BCAS3: variants seen among roughly 807,000 people sequenced by gnomAD.
The protein encoded by BCAS3 is BCAS3 microtubule associated cell migration factor.
In BCAS3, 53 loss-of-function variants were observed where a neutral mutation model predicts 116.1. That is an observed-to-expected ratio of 0.46 (90% CI 0.37 to 0.57). The LOEUF (loss-of-function observed/expected upper bound fraction) is 0.57. Ranked by LOEUF, BCAS3 falls within the 20% of genes least tolerant of loss-of-function variation. The pLI is 0.00. For missense variants in BCAS3, 917 were observed against 1,165.4 expected (o/e 0.79, Z 3.10); for synonymous variants, 391 against 408.2 (o/e 0.96, Z 0.51).
chr17:60,716,710 CT>C (rs1010911836), intron 5 of BCAS3, among the ~76,000 whole-genome samples: 30 of 140,484 alleles, frequency 2.1e-4, no homozygotes, highest in African/African-American at 9.1e-4. Context: ...GCAAGACCCT[CT>C]CAAAAAAAAA....
intron 19 of BCAS3, among the ~76,000 whole-genome samples, chr17:61,067,062 T>A (rs896504788): frequency 6.6e-5 from 10 of 151,620 alleles, no homozygotes; most frequent in Admixed American, 1.3e-4. Context: ...GGTAATTTTT[T>A]AAAATTCTTT....
Position 61,020,758 on chromosome 17 carries a change from AT to A in BCAS3, c.1637+4858del, listed in dbSNP as rs2065818540. On this transcript the variant is annotated intron_variant, in intron 16 of 23. Coordinates refer to ENST00000407086, the MANE Select transcript of BCAS3 (RefSeq NM_017679.5). This position sits in a 1 kb window ranked among gnomAD's most constrained non-coding sequence, Gnocchi z 4.5. ...TTTCTATGTAACAATTCACAAAAAA[AT>A]GTTCATCAATGAGCTTAATTTTATC... Among the ~76,000 whole-genome samples, 1 of 152,224 alleles carries A rather than the reference AT, an allele frequency of 6.6e-6. No homozygotes were observed. Among genetic ancestry groups the A allele is most frequent in the Non-Finnish European group, 1.5e-5 (1 of 68,040 alleles).
At chr17:60,918,372 C>T (rs969995943) in intron 12 of BCAS3, among the ~76,000 whole-genome samples, 11 of 152,046 alleles carry the variant, frequency 7.2e-5, no homozygotes, top group African/African-American at 2.2e-4. Context: ...ATGCATAGAA[C>T]GTCTAATCAT....
chr17:60,770,112 C>T (rs139382198), intron 6 of BCAS3, among the ~76,000 whole-genome samples: 139 of 152,176 alleles, frequency 9.1e-4, no homozygotes, highest in African/African-American at 3.1e-3. Flanking sequence ...TGCAGCTGTT[C>T]AGGGCTTGAA....
intron 13 of BCAS3, among the ~76,000 whole-genome samples, chr17:60,931,636 A>T (rs2059650819): frequency 6.6e-6 from 1 of 152,136 alleles, no homozygotes; most frequent in Non-Finnish European, 1.5e-5. Context: ...ATCATTTAAG[A>T]AGTCTTCCCT....
At chr17:60,712,324 C>T (rs2038031723) in intron 5 of BCAS3, among the ~76,000 whole-genome samples, 1 of 151,222 alleles carries the variant, frequency 6.6e-6, no homozygotes, top group African/African-American at 2.4e-5. Context: ...TGCAGTGAGC[C>T]ATGATTATGC....
intron 22 of BCAS3, among the ~76,000 whole-genome samples, chr17:61,330,073 G>A (rs555444081): frequency 2.0e-5 from 3 of 152,282 alleles, no homozygotes; most frequent in South Asian, 4.1e-4. Context: ...CTAGATGCCC[G>A]GAGGTCTCTT....
At chr17:60,737,952 A>G (rs1185351439) in intron 5 of BCAS3, among the ~76,000 whole-genome samples, 3 of 151,944 alleles carry the variant, frequency 2.0e-5, no homozygotes, top group African/African-American at 7.3e-5. Context: ...ACACCCGGCT[A>G]CTTTTTGCAT....
chr17:61,201,000 G>A lies in BCAS3; in HGVS notation c.2425+116436G>A, dbSNP rs1294543446. On this transcript the variant is annotated intron_variant, in intron 22 of 23. Coordinates refer to ENST00000407086, the MANE Select transcript of BCAS3 (RefSeq NM_017679.5). This position sits in a 1 kb window ranked among gnomAD's most constrained non-coding sequence, Gnocchi z 5.1. ...TTTACCCATTTACCAGACAGAGCAA[G>A]AAAGGACAAATAGTATATATAAAAA... 6.6e-6 allele frequency among the ~76,000 whole-genome samples: 1 copy of A among 151,360 alleles called. No homozygotes were observed. The highest frequency in any genetic ancestry group is 1.5e-5 in the Non-Finnish European group (1 of 67,886).
rs556325341 is a variant in BCAS3, at chr17:61,136,166, C to G, written c.2425+51602C>G. Among the ~76,000 whole-genome samples the G allele has an allele frequency of 2.0e-5, 3 of 152,192 alleles. No homozygotes were observed. Among genetic ancestry groups the G allele is most frequent in the South Asian group, 2.1e-4 (1 of 4,832 alleles). ...CTTTGCACCTATTTAAATGTTTTCC[C>G]GTGCTCTTCCCTCTACATAAAATCA... On this transcript the variant is annotated intron_variant, in intron 22 of 23. Transcript: ENST00000407086. This position sits in a 1 kb window ranked among gnomAD's most constrained non-coding sequence, Gnocchi z 4.4.
chr17:61,341,454 AC>A (rs982754913), intron 22 of BCAS3, among the ~76,000 whole-genome samples: 1 of 152,110 alleles, frequency 6.6e-6, no homozygotes, highest in Non-Finnish European at 1.5e-5. Context: ...CCTTTCAGTA[AC>A]CCTTCAAGTG....
At chr17:60,904,064 G>A (rs2058062173) in intron 11 of BCAS3, among the ~76,000 whole-genome samples, 1 of 152,124 alleles carries the variant, frequency 6.6e-6, no homozygotes, top group African/African-American at 2.4e-5. Context: ...TTCATTCCAT[G>A]TTTTGCTGTG....
rs1244816304 is a variant in BCAS3 at position 61,302,023 on chromosome 17, A to G, written c.2426-66304A>G. On this transcript the variant is annotated intron_variant, in intron 22 of 23. Coordinates refer to ENST00000407086, the MANE Select transcript of BCAS3 (RefSeq NM_017679.5). The surrounding 1 kb of genome is among the most constrained non-coding windows in gnomAD (Gnocchi z 4.4). ...ACGGCCACTTTGAACGCTTATTCCC[A>G]TTCTGCAGAGACCCAGTGGCTTGCT... Among the ~76,000 whole-genome samples the G allele has an allele frequency of 1.3e-5, 2 of 152,202 alleles. No homozygotes were observed. Among genetic ancestry groups the G allele is most frequent in the Non-Finnish European group, 2.9e-5 (2 of 68,030 alleles).
chr17:61,069,631 A>C lies in BCAS3; in HGVS notation c.2030-5289A>C, dbSNP rs1600948841. Among the ~76,000 whole-genome samples, 3 of 152,106 alleles carry C rather than the reference A, an allele frequency of 2.0e-5. No individual in the cohort carries two copies. In the South Asian group the frequency reaches 6.2e-4, roughly 32 times the overall value. On this transcript the variant is annotated intron_variant, in intron 19 of 23. Coordinates refer to ENST00000407086, the MANE Select transcript of BCAS3 (RefSeq NM_017679.5). ...GGCGGGTGGATCACTTGAGGTTAGG[A>C]GTTTGAGACCAGCCTGGCCAACATG...
rs2070520775 is a variant in BCAS3 at position 61,065,558 on chromosome 17, C to G, written c.2030-9362C>G. On this transcript the variant is annotated intron_variant, in intron 19 of 23. Transcript: ENST00000407086. The surrounding 1 kb of genome is among the most constrained non-coding windows in gnomAD (Gnocchi z 4.8). ...CATGATGTCATTTAACTGCAAATTTCTCTGTTGCTAGAAAAAGGAATGTTG... is the reference window on the plus strand; with the variant it reads ...CATGATGTCATTTAACTGCAAATTTGTCTGTTGCTAGAAAAAGGAATGTTG... 6.6e-6 allele frequency among the ~76,000 whole-genome samples: 1 copy of G among 152,184 alleles called. No individual in the cohort carries two copies. Among genetic ancestry groups the G allele is most frequent in the South Asian group, 2.1e-4 (1 of 4,828 alleles).
rs183073728 is a variant in BCAS3, at chr17:61,104,640, A to G, written c.2425+20076A>G. Among the ~76,000 whole-genome samples, 44 of 152,234 alleles carry G rather than the reference A, an allele frequency of 2.9e-4. 1 individual carries two copies. Among genetic ancestry groups the G allele is most frequent in the Non-Finnish European group, 5.1e-4 (35 of 68,008 alleles). On this transcript the variant is annotated intron_variant, in intron 22 of 23. Transcript: ENST00000407086. The surrounding 1 kb of genome is among the most constrained non-coding windows in gnomAD (Gnocchi z 4.1). ...AGCTCCAAATCGGGTATTACATGTCACCCTGTGAAAGATCCTCTGCGTTAC... is the reference window on the plus strand; with the variant it reads ...AGCTCCAAATCGGGTATTACATGTCGCCCTGTGAAAGATCCTCTGCGTTAC...
At chr17:60,728,928 G>T (rs1057272448) in intron 5 of BCAS3, among the ~76,000 whole-genome samples, 2 of 152,104 alleles carry the variant, frequency 1.3e-5, no homozygotes, top group African/African-American at 2.4e-5. Flanking sequence ...ACACAAGTAC[G>T]TGAAACCACC....
intron 5 of BCAS3, among the ~76,000 whole-genome samples, chr17:60,712,269 G>A (rs1481580145): frequency 6.6e-6 from 1 of 151,414 alleles, no homozygotes; most frequent in Non-Finnish European, 1.5e-5. Flanking sequence ...CCAGCTACTC[G>A]GGAGGATGAG....
At position 61,015,775 on chromosome 17, in the gene BCAS3, A is replaced by G. The variant is rs752333817; in HGVS notation, c.1511A>G (p.Tyr504Cys). 17 of 1,613,806 alleles carry G rather than the reference A, an allele frequency of 1.1e-5. No individual in the cohort carries two copies. The highest frequency in any genetic ancestry group is 2.7e-5 in the African/African-American group (2 of 74,870). ...LHGKLNSQDSYNNFTNNNPGN... is the reference protein window; with the variant it reads ...LHGKLNSQDSCNNFTNNNPGN... ...GGGAAACTGAACAGCCAAGACTCCTATAACAATTTTACCAACAACAACCCT... is the reference window on the plus strand; with the variant it reads ...GGGAAACTGAACAGCCAAGACTCCTGTAACAATTTTACCAACAACAACCCT... Residue 504 changes from tyrosine (Y) to cysteine (C), a missense_variant, in exon 16 of 24, where the codon TAT becomes TGT. Tyr to Cys is a radical substitution (Grantham distance 194). This residue lies in a region of BCAS3 where 807 missense variants were observed against 1,026.0 expected (regional missense o/e 0.79). Transcript: ENST00000407086.
Sources: allele counts gnomAD v4.1 joint callset (sites outside exome capture counted in the v4.1 genomes callset), GRCh38; gene constraint gnomAD v4.1.1; regional missense constraint gnomAD v4.1.1; non-coding constraint Gnocchi (gnomAD v3.1); transcripts MANE v1.5; gene names NCBI Gene and HGNC (gene_info 2026-07-23, HGNC 2026-07-21).